Variants in STAC observed in about 807,000 individuals in gnomAD.
STAC encodes SH3 and cysteine-rich domain-containing protein.
A neutral mutation model predicts 48.8 loss-of-function variants in STAC; 43 were observed. That is an observed-to-expected ratio of 0.88 (90% CI 0.69 to 1.14). STAC has a LOEUF of 1.14. STAC is among the 50% of genes most tolerant of loss of function. The pLI, the probability that STAC is intolerant of heterozygous loss-of-function variation, is 0.00. For missense variants in STAC, 497 were observed against 504.0 expected (o/e 0.99, Z 0.13); for synonymous variants, 193 against 179.5 (o/e 1.07, Z -0.60).
chr3:36,420,580 C>G (rs548769256), intron 1 of STAC, among the ~76,000 whole-genome samples: 1 of 152,174 alleles, frequency 6.6e-6, no homozygotes, highest in Non-Finnish European at 1.5e-5. Context: ...CATGCGAGGA[C>G]GCTAGGTTGT....
At chr3:36,536,397 T>C (rs1268151441) in intron 10 of STAC, among the ~76,000 whole-genome samples, 1 of 152,036 alleles carries the variant, frequency 6.6e-6, no homozygotes, top group Non-Finnish European at 1.5e-5. Context: ...CAAAAACAGA[T>C]ACATAGGCCA....
chr3:36,518,207 A>C (rs185913195), intron 8 of STAC, among the ~76,000 whole-genome samples: 6 of 152,252 alleles, frequency 3.9e-5, no homozygotes, highest in African/African-American at 1.4e-4. Context: ...AAATGACTTC[A>C]AGTAAACATA....
At chr3:36,535,442 C>T (rs1403429360) in intron 10 of STAC, among the ~76,000 whole-genome samples, 2 of 152,190 alleles carry the variant, frequency 1.3e-5, no homozygotes, top group African/African-American at 2.4e-5. Flanking sequence ...TTCCTCTCTT[C>T]CTATCTGAAT....
At chr3:36,512,336 C>T (rs1575252404) in intron 8 of STAC, among the ~76,000 whole-genome samples, 1 of 152,132 alleles carries the variant, frequency 6.6e-6, no homozygotes, top group African/African-American at 2.4e-5. Context: ...GGGATGAAGC[C>T]ATGCCTTCAG....
intron 2 of STAC, among the ~76,000 whole-genome samples, chr3:36,476,730 T>A (rs1018928952): frequency 6.6e-6 from 1 of 152,222 alleles, no homozygotes; most frequent in Non-Finnish European, 1.5e-5. Context: ...ACTGACTCTG[T>A]CATCATTATT....
chr3:36,436,843 A>C (rs1700845452), intron 1 of STAC, among the ~76,000 whole-genome samples: 1 of 152,236 alleles, frequency 6.6e-6, no homozygotes, highest in African/African-American at 2.4e-5. Context: ...CAGGCAACCT[A>C]CAAAATGGAA....
At chr3:36,531,808 G>A (rs1279071287) in intron 10 of STAC, among the ~76,000 whole-genome samples, 1 of 152,134 alleles carries the variant, frequency 6.6e-6, no homozygotes, top group Non-Finnish European at 1.5e-5. Context: ...TCTGCCTTTG[G>A]AGAAGTGAGG....
intron 1 of STAC, among the ~76,000 whole-genome samples, chr3:36,386,713 C>T (rs1272977268): frequency 6.6e-6 from 1 of 152,080 alleles, no homozygotes; most frequent in African/African-American, 2.4e-5. Context: ...GTGCAAGTTT[C>T]TATTCTGCCC....
Position 36,533,640 on chromosome 3 carries a change from T to G in STAC, c.1110+4655T>G, listed in dbSNP as rs1055445136. On this transcript the variant is annotated intron_variant, in intron 10 of 10. Coordinates refer to ENST00000273183, the MANE Select transcript of STAC (RefSeq NM_003149.3). ...ACAAGCAGAACATCTGTTCAGTGAC[T>G]CCCACCAATTCCTTGGCATATTCCC... is the stretch of plus-strand genomic sequence containing the variant. Among the ~76,000 whole-genome samples the G allele has an allele frequency of 3.9e-5, 6 of 152,096 alleles. No homozygotes were observed. The South Asian group carries it at 6.2e-4, about 16-fold the overall frequency.
intron 2 of STAC, among the ~76,000 whole-genome samples, chr3:36,446,555 A>C (rs1696514012): frequency 6.6e-6 from 1 of 152,348 alleles, no homozygotes; most frequent in South Asian, 2.1e-4. Flanking sequence ...TCTTACATTG[A>C]ATTAACTGTC....
intron 10 of STAC, among the ~76,000 whole-genome samples, chr3:36,533,670 A>AT (rs990924558): frequency 6.6e-6 from 1 of 151,176 alleles, no homozygotes; most frequent in Non-Finnish European, 1.5e-5. Context: ...ATTCCCCACA[A>AT]TTTTTTTTCT....
chr3:36,448,558 A>G (rs1364570744), intron 2 of STAC, among the ~76,000 whole-genome samples: 1 of 152,124 alleles, frequency 6.6e-6, no homozygotes, highest in Non-Finnish European at 1.5e-5. Flanking sequence ...GTAAAGCTGG[A>G]ACATAGTCAT....
At chr3:36,466,491 C>T (rs1433898652) in intron 2 of STAC, among the ~76,000 whole-genome samples, 3 of 152,098 alleles carry the variant, frequency 2.0e-5, no homozygotes, top group Non-Finnish European at 4.4e-5. Flanking sequence ...TTGCTTTTGG[C>T]AATATGGTCA....
chr3:36,402,222 A>G (rs568553354), intron 1 of STAC, among the ~76,000 whole-genome samples: 2 of 152,292 alleles, frequency 1.3e-5, no homozygotes, highest in South Asian at 4.1e-4. Context: ...TAATGTAATG[A>G]ATAAGATAAT....
chr3:36,412,520 C>T (rs537621409), intron 1 of STAC, among the ~76,000 whole-genome samples: 3 of 151,552 alleles, frequency 2.0e-5, no homozygotes, highest in African/African-American at 4.8e-5. Context: ...GAAAGCCTTT[C>T]GGGGGAAAAA....
intron 1 of STAC, among the ~76,000 whole-genome samples, chr3:36,382,429 C>T (rs1699530366): frequency 6.6e-6 from 1 of 152,230 alleles, no homozygotes; most frequent in Non-Finnish European, 1.5e-5. Context: ...GCAAAAGCCA[C>T]ATATGTAATG....
At chr3:36,493,497 T>C (rs934599956) in intron 6 of STAC, among the ~76,000 whole-genome samples, 2 of 150,908 alleles carry the variant, frequency 1.3e-5, no homozygotes, top group African/African-American at 4.9e-5. Flanking sequence ...TATATATATA[T>C]ATAAACTGAG....
chr3:36,408,919 G>A (rs1328073052), intron 1 of STAC, among the ~76,000 whole-genome samples: 1 of 152,130 alleles, frequency 6.6e-6, no homozygotes, highest in Non-Finnish European at 1.5e-5. Context: ...GGTGGATGGT[G>A]TATCAATTTT....
At chr3:36,402,018 C>T (rs1700007600) in intron 1 of STAC, among the ~76,000 whole-genome samples, 1 of 152,132 alleles carries the variant, frequency 6.6e-6, no homozygotes, top group African/African-American at 2.4e-5. Context: ...AAAGTAAAGC[C>T]GCTTGCCCAT....
Sources: allele counts gnomAD v4.1 joint callset (sites outside exome capture counted in the v4.1 genomes callset), GRCh38; gene constraint gnomAD v4.1.1; transcripts MANE v1.5; gene names NCBI Gene and HGNC (gene_info 2026-07-23, HGNC 2026-07-21).